Variants in BDNF observed in about 807,000 individuals in gnomAD.
BDNF encodes the protein brain derived neurotrophic factor, also known as neurotrophic factor BDNF precursor form.
In BDNF, 1 loss-of-function variant was observed where a neutral mutation model predicts 19.5. The ratio of observed to expected loss-of-function variants is 0.05; its 90% CI spans 0.02 to 0.24. The LOEUF is 0.24. Ranked by LOEUF, BDNF falls within the 10% of genes least tolerant of loss-of-function variation. BDNF has a pLI of 1.00. For missense variants in BDNF, 195 were observed against 317.6 expected (o/e 0.61, Z 2.93); for synonymous variants, 100 against 121.6 (o/e 0.82, Z 1.17).
At chr11:27,689,507 G>C (rs1330031296) in intron 1 of BDNF, among the ~76,000 whole-genome samples, 1 of 152,112 alleles carries the variant, frequency 6.6e-6, no homozygotes, top group Non-Finnish European at 1.5e-5. Flanking sequence ...AATCACGTAG[G>C]AATCGTAGTA....
intron 1 of BDNF, among the ~76,000 whole-genome samples, chr11:27,663,977 G>A (rs1323345150): frequency 6.6e-6 from 1 of 151,720 alleles, no homozygotes; most frequent in Non-Finnish European, 1.5e-5. Flanking sequence ...TTAGAACTAA[G>A]TTTCTATGGC....
chr11:27,721,301 A>C, intron 1 of BDNF: 1 of 1,256,708 alleles, frequency 8.0e-7, no homozygotes, highest in Non-Finnish European at 1.2e-6. Context: ...CCCTGGCCTG[A>C]GTAGCTGCTG....
intron 1 of BDNF, chr11:27,698,239 A>T (rs1300410615): frequency 7.5e-6 from 1 of 133,252 alleles, no homozygotes; most frequent in African/African-American, 3.6e-5. Flanking sequence ...AAAAAAAAAA[A>T]AAAAAAAAAA....
intron 1 of BDNF, among the ~76,000 whole-genome samples, chr11:27,678,684 G>T (rs890266410): frequency 2.0e-5 from 3 of 152,126 alleles, no homozygotes; most frequent in Admixed American, 2.0e-4. Flanking sequence ...ACACAGATAG[G>T]CCTCCAACTC....
chr11:27,708,753 T>A (rs1564994488), intron 1 of BDNF, among the ~76,000 whole-genome samples: 1 of 151,994 alleles, frequency 6.6e-6, no homozygotes, highest in Non-Finnish European at 1.5e-5. Flanking sequence ...AATAAAAATT[T>A]TAAATGAGCA....
At chr11:27,665,965 C>T (rs1247443657) in intron 1 of BDNF, among the ~76,000 whole-genome samples, 2 of 152,190 alleles carry the variant, frequency 1.3e-5, no homozygotes. Context: ...GGACAGTCTG[C>T]CTCTTCAAGT....
intron 1 of BDNF, chr11:27,674,690 G>T: frequency 1.0e-6 from 1 of 985,388 alleles, no homozygotes; most frequent in Middle Eastern, 5.2e-4. Context: ...GTGAACAACA[G>T]GACTGTGAAA....
chr11:27,707,745 C>A (rs952718147), intron 1 of BDNF, among the ~76,000 whole-genome samples: 2 of 152,056 alleles, frequency 1.3e-5, no homozygotes, highest in African/African-American at 4.8e-5. Flanking sequence ...AATTCCAGCC[C>A]CTATAATTGT....
At chr11:27,667,540 G>A (rs867895778) in intron 1 of BDNF, among the ~76,000 whole-genome samples, 57 of 152,156 alleles carry the variant, frequency 3.7e-4, no homozygotes, top group South Asian at 1.2e-3. Context: ...GTGCAGAGAC[G>A]CACATAGGCT....
rs975302063 is a variant in BDNF, at chr11:27,655,597, C to G, written c.*2224G>C. The G allele has an allele frequency of 5.3e-5, 8 of 152,224 alleles. No homozygotes were observed. Among genetic ancestry groups the G allele is most frequent in the Non-Finnish European group, 1.0e-4 (7 of 68,040 alleles). The allele number at this position is 152,224 out of a possible 1,614,324, so 9.4% of individuals were successfully genotyped here. On this transcript the variant is annotated 3_prime_UTR_variant, in exon 2 of 2. Coordinates refer to ENST00000356660, the MANE Select transcript of BDNF (RefSeq NM_001709.5). ...ACACTACGTAAAGTCTTCCTTCTTT[C>G]AAAGAGGTATTCAGATGGTACTGTG...
intron 1 of BDNF, chr11:27,719,742 T>G (rs1020159830): frequency 1.7e-3 from 86 of 49,760 alleles, no homozygotes; most frequent in African/African-American, 4.8e-3. Context: ...GGGGGCGGGG[T>G]GGAAGAAGGG....
chr11:27,707,816 C>G (rs1244604187), intron 1 of BDNF, among the ~76,000 whole-genome samples: 2 of 151,982 alleles, frequency 1.3e-5, no homozygotes, highest in Admixed American at 1.3e-4. Flanking sequence ...TCTTTTTTTG[C>G]TGCTTGGACA....
In BDNF at chr11:27,656,957, A is replaced by G. The variant is rs1399919071; in HGVS notation, c.*864T>C. The G allele has an allele frequency of 2.0e-6, 2 of 984,998 alleles. No homozygotes were observed. Among genetic ancestry groups the G allele is most frequent in the South Asian group, 4.7e-5 (1 of 21,240 alleles). 61.0% of individuals were successfully genotyped at this position (984,998 alleles called of 1,614,324 possible). A position where few individuals can be genotyped will look rare whatever the true frequency, so the allele number is the denominator to read the frequency against. Reference sequence around the variant, plus strand: ...AAAACAAAGAGGAGACCAGAGGGGGAGGGGGGGAAAGAATGTGTTCTGAGC... The same window carrying G: ...AAAACAAAGAGGAGACCAGAGGGGGGGGGGGGGAAAGAATGTGTTCTGAGC... On this transcript the variant is annotated 3_prime_UTR_variant, in exon 2 of 2. Transcript: ENST00000356660.
intron 1 of BDNF, among the ~76,000 whole-genome samples, chr11:27,717,101 T>C (rs1590504940): frequency 1.3e-5 from 2 of 152,318 alleles, no homozygotes; most frequent in Non-Finnish European, 2.9e-5. Context: ...CAGCTTCTCT[T>C]CTTATTAAGA....
At chr11:27,693,850 C>T (rs1350009113) in intron 1 of BDNF, among the ~76,000 whole-genome samples, 1 of 152,212 alleles carries the variant, frequency 6.6e-6, no homozygotes, top group Non-Finnish European at 1.5e-5. Context: ...ATGATAGCAA[C>T]TCCAAAACCA....
chr11:27,704,681 T>A (rs1488451027), upstream of BDNF, among the ~76,000 whole-genome samples: 1 of 152,222 alleles, frequency 6.6e-6, no homozygotes, highest in Non-Finnish European at 1.5e-5. Context: ...GCACAGGTGT[T>A]TTCAAACTCA....
chr11:27,674,264 A>G (rs773278811), intron 1 of BDNF: 29 of 1,571,586 alleles, frequency 1.8e-5, no homozygotes, highest in Non-Finnish European at 2.4e-5. Context: ...ACTCATGGAG[A>G]AAACTGGTGG....
chr11:27,697,158 CACACACAGAGAGAGAG>C (rs1859143013), intron 1 of BDNF, among the ~76,000 whole-genome samples: 1 of 113,578 alleles, frequency 8.8e-6, no homozygotes, highest in East Asian at 2.7e-4. Context: ...CACACACACA[CACACACAGAGAGAGAG>C]AGAGAGAGAG....
rs139630124 is a variant in BDNF at position 27,688,445 on chromosome 11, C to A, written c.-22+11719G>T. The stretch of plus-strand genomic sequence containing the variant: ...TTCTGTCTCACTGGAATTTCAGGTG[C>A]CACTGGGGTATGAGAAAAAACTCCT... On this transcript the variant is annotated intron_variant, in intron 1 of 1. Transcript: ENST00000356660. 2.0e-5 allele frequency among the ~76,000 whole-genome samples: 3 copies of A among 152,292 alleles called. No individual in the cohort carries two copies. The East Asian group carries it at 5.8e-4, about 29-fold the overall frequency.
Sources: allele counts gnomAD v4.1 joint callset (sites outside exome capture counted in the v4.1 genomes callset), GRCh38; gene constraint gnomAD v4.1.1; transcripts MANE v1.5; gene names NCBI Gene and HGNC (gene_info 2026-07-23, HGNC 2026-07-21).